Variants in ARHGEF3 observed in about 807,000 individuals in gnomAD.
The protein encoded by ARHGEF3 is Rho guanine nucleotide exchange factor 3, also known as 59.8 kDA protein.
A neutral mutation model predicts 63.2 loss-of-function variants in ARHGEF3; 28 were observed. The ratio of observed to expected loss-of-function variants is 0.44; its 90% confidence interval spans 0.33 to 0.61. The LOEUF is 0.61. Among genes scored for constraint, ARHGEF3 ranks in the 20% least tolerant of loss-of-function variants. The pLI, the probability that ARHGEF3 is intolerant of heterozygous loss-of-function variation, is 0.03. For synonymous variants in ARHGEF3, 266 were observed against 254.2 expected (o/e 1.05, Z -0.44); for missense variants, 533 against 659.3 (o/e 0.81, Z 2.10).
At chr3:56,764,779 C>CA (rs1368830476) in intron 2 of ARHGEF3, among the ~76,000 whole-genome samples, 1 of 135,294 alleles carries the variant, frequency 7.4e-6, no homozygotes, top group African/African-American at 2.8e-5. Context: ...TTTTTTGAGA[C>CA]AGAGTTTCGC....
chr3:56,810,810 A>C (rs74955668), intron 4 of ARHGEF3, among the ~76,000 whole-genome samples: 1 of 152,214 alleles, frequency 6.6e-6, no homozygotes, highest in African/African-American at 2.4e-5. Context: ...TTTGGGTCCA[A>C]TGAATTGGAA....
intron 2 of ARHGEF3, among the ~76,000 whole-genome samples, chr3:56,991,096 G>A (rs1055867914): frequency 8.6e-5 from 13 of 151,888 alleles, no homozygotes; most frequent in Non-Finnish European, 1.6e-4. Context: ...GTCTTTTACC[G>A]CCCCAAGCCC....
chr3:56,732,128 T>C, intron 9 of ARHGEF3, 110 bp downstream of exon 9: 1 of 1,265,656 alleles, frequency 7.9e-7, no homozygotes, highest in Non-Finnish European at 1.1e-6. Context: ...AGCATACAAA[T>C]GCAGTTTGAC....
At chr3:57,010,190 C>A (rs1188095947) in intron 2 of ARHGEF3, among the ~76,000 whole-genome samples, 1 of 151,922 alleles carries the variant, frequency 6.6e-6, no homozygotes, top group African/African-American at 2.4e-5. Context: ...CGTGGTGGCT[C>A]ACGCCTGTAA....
At chr3:56,781,107 G>C (rs2036541404) in intron 1 of ARHGEF3, among the ~76,000 whole-genome samples, 1 of 152,164 alleles carries the variant, frequency 6.6e-6, no homozygotes, top group Non-Finnish European at 1.5e-5. Context: ...TGACAAGAGA[G>C]AGGTGGAGAC....
At chr3:56,847,609 A>G (rs975221837) in intron 4 of ARHGEF3, among the ~76,000 whole-genome samples, 1 of 152,174 alleles carries the variant, frequency 6.6e-6, no homozygotes, top group Admixed American at 6.5e-5. Context: ...CAGAGTCTCA[A>G]TCTTGTAGCC....
At chr3:57,020,458 C>G (rs1560139880) in intron 2 of ARHGEF3, among the ~76,000 whole-genome samples, 1 of 152,220 alleles carries the variant, frequency 6.6e-6, no homozygotes, top group African/African-American at 2.4e-5. Flanking sequence ...CTCCCTCACT[C>G]TCCATCCATG....
At chr3:57,076,232 T>C in intron 1 of ARHGEF3, among the ~76,000 whole-genome samples, 1 of 140,532 alleles carries the variant, frequency 7.1e-6, no homozygotes, top group Non-Finnish European at 1.6e-5. Context: ...GAACAATACA[T>C]AACTTGGCCT....
At chr3:56,943,087 C>T (rs1343345919) in intron 3 of ARHGEF3, among the ~76,000 whole-genome samples, 2 of 152,208 alleles carry the variant, frequency 1.3e-5, no homozygotes, top group African/African-American at 4.8e-5. Context: ...GAAGATCTGG[C>T]TATGATAATC....
At chr3:56,958,802 G>A (rs1700157372) in intron 3 of ARHGEF3, 14 of 1,546,786 alleles carry the variant, frequency 9.1e-6, no homozygotes, top group African/African-American at 1.4e-5. Context: ...AACAGCAGGG[G>A]CTACCCAGGG....
intron 4 of ARHGEF3, among the ~76,000 whole-genome samples, chr3:56,848,020 C>T (rs888471116): frequency 4.6e-5 from 7 of 152,138 alleles, no homozygotes; most frequent in African/African-American, 1.7e-4. Flanking sequence ...GACATCACGA[C>T]TACAATAAGC....
intron 2 of ARHGEF3, among the ~76,000 whole-genome samples, chr3:56,968,027 T>C (rs1700670677): frequency 2.4e-5 from 1 of 41,202 alleles, no homozygotes; most frequent in African/African-American, 9.9e-5. Context: ...AAAACATATA[T>C]ATTTAATATA....
intron 1 of ARHGEF3, among the ~76,000 whole-genome samples, chr3:56,787,199 A>C (rs1001607638): frequency 6.6e-6 from 1 of 152,096 alleles, no homozygotes; most frequent in East Asian, 1.9e-4. Flanking sequence ...ATGAAGTGGA[A>C]GGTTCTTCTT....
intron 3 of ARHGEF3, among the ~76,000 whole-genome samples, chr3:56,933,803 C>T (rs1333728566): frequency 1.3e-5 from 2 of 152,158 alleles, no homozygotes; most frequent in African/African-American, 2.4e-5. Flanking sequence ...TGTGTCCCCA[C>T]CCAAATCTCC....
At chr3:57,055,987 G>A (rs2107322816) in intron 1 of ARHGEF3, among the ~76,000 whole-genome samples, 1 of 152,282 alleles carries the variant, frequency 6.6e-6, no homozygotes, top group East Asian at 1.9e-4. Flanking sequence ...CAGATCTGCT[G>A]GGCACTGTGT....
chr3:56,769,170 A>G (rs2035874375), intron 2 of ARHGEF3, among the ~76,000 whole-genome samples: 1 of 152,258 alleles, frequency 6.6e-6, no homozygotes, highest in Admixed American at 6.5e-5. Context: ...CTACATCACA[A>G]CATCATGAAC....
chr3:56,987,685 G>A (rs1579028605), intron 2 of ARHGEF3, among the ~76,000 whole-genome samples: 1 of 152,176 alleles, frequency 6.6e-6, no homozygotes, highest in East Asian at 1.9e-4. Context: ...GATCTAGAAG[G>A]AAGGAAAGGA....
intron 2 of ARHGEF3, among the ~76,000 whole-genome samples, chr3:56,773,377 C>G (rs1262647105): frequency 6.6e-6 from 1 of 152,134 alleles, no homozygotes; most frequent in African/African-American, 2.4e-5. Context: ...GGCTCTGTTG[C>G]CCTCCAGCTA....
chr3:56,739,280 G>A (rs1311329534), intron 7 of ARHGEF3, among the ~76,000 whole-genome samples: 1 of 151,918 alleles, frequency 6.6e-6, no homozygotes, highest in African/African-American at 2.4e-5. Context: ...TAAAAGAAAA[G>A]CCAATCTCTG....
Sources: allele counts gnomAD v4.1 joint callset (sites outside exome capture counted in the v4.1 genomes callset), GRCh38; gene constraint gnomAD v4.1.1; transcripts MANE v1.5; gene names NCBI Gene and HGNC (gene_info 2026-07-23, HGNC 2026-07-21).